EXT1: variants seen among roughly 807,000 people sequenced by gnomAD.
EXT1 encodes the protein exostosin-1.
EXT1 carries 20 observed loss-of-function variants against 82.5 expected under a neutral mutation model. The ratio of observed to expected loss-of-function variants is 0.24; its 90% CI spans 0.17 to 0.35. The LOEUF (loss-of-function observed/expected upper bound fraction) is 0.35. Ranked by LOEUF, EXT1 falls within the 10% of genes least tolerant of loss-of-function variation. The pLI, the probability that EXT1 is intolerant of heterozygous loss-of-function variation, is 1.00. For missense variants in EXT1, 757 were observed against 936.5 expected, an observed-to-expected ratio of 0.81 and a Z score of 2.50; for synonymous variants, 348 against 350.8, an observed-to-expected ratio of 0.99 and a Z score of 0.09.
At chr8:117,885,897 T>C (rs1381717074) in intron 1 of EXT1, among the ~76,000 whole-genome samples, 3 of 152,218 alleles carry the variant, frequency 2.0e-5, no homozygotes, top group Admixed American at 6.5e-5. Flanking sequence ...CCAGTGGACA[T>C]TGGCCCTTTG....
chr8:117,858,484 C>G (rs1207885473), intron 1 of EXT1, among the ~76,000 whole-genome samples: 1 of 151,902 alleles, frequency 6.6e-6, no homozygotes, highest in East Asian at 1.9e-4. Context: ...TCAGCCTGGC[C>G]AGCATGGTGA....
intron 2 of EXT1, 68 bp downstream of exon 2, chr8:117,837,040 A>G: frequency 9.5e-7 from 1 of 1,048,234 alleles, no homozygotes; most frequent in Non-Finnish European, 1.5e-6. Flanking sequence ...GAGAGGTGAT[A>G]ATGTTAAACC....
At chr8:117,931,623 T>C (rs1471551497) in intron 1 of EXT1, among the ~76,000 whole-genome samples, 3 of 152,142 alleles carry the variant, frequency 2.0e-5, no homozygotes, top group Non-Finnish European at 4.4e-5. Context: ...CAGAGATCAA[T>C]AATAAAATGA....
intron 1 of EXT1, among the ~76,000 whole-genome samples, chr8:117,961,510 G>A (rs188803129): frequency 6.8e-4 from 103 of 152,304 alleles, no homozygotes; most frequent in African/African-American, 2.5e-3. Context: ...GTACCAAAAG[G>A]AATATTAGGG....
rs548784151 is a variant in EXT1, at chr8:117,922,046, C to T, written c.963-84845G>A. Among the ~76,000 whole-genome samples, 79 of 151,706 alleles carry T rather than the reference C, an allele frequency of 5.2e-4. 1 individual carries two copies. The highest frequency in any genetic ancestry group is 1.1e-3 in the Non-Finnish European group (73 of 67,982). ...TTTCACTGAAATTCCCATAAAACTGCAGGAATTCAACTGCCAACTGGATTT... is the reference window on the plus strand; with the variant it reads ...TTTCACTGAAATTCCCATAAAACTGTAGGAATTCAACTGCCAACTGGATTT... On this transcript the variant is annotated intron_variant, in intron 1 of 10. Coordinates refer to ENST00000378204, the MANE Select transcript of EXT1 (RefSeq NM_000127.3).
intron 1 of EXT1, among the ~76,000 whole-genome samples, chr8:118,050,743 TTAAAAA>T (rs1167118055): frequency 6.6e-6 from 1 of 152,190 alleles, no homozygotes. Flanking sequence ...TTTTAACCAC[TTAAAAA>T]TGTGAAAGCC....
In EXT1 at chr8:118,007,307, C is replaced by CA. The variant is rs1174359016; in HGVS notation, c.962+102777dup. ...GCGAGACACCATCTCAAAAAAAAAACAAAAAAAGCATTTGATGGCCCTAGA... is the reference window on the plus strand; with the variant it reads ...GCGAGACACCATCTCAAAAAAAAAACAAAAAAAAGCATTTGATGGCCCTAGA... On this transcript the variant is annotated intron_variant, in intron 1 of 10. Transcript: ENST00000378204. Among the ~76,000 whole-genome samples, 6 of 151,318 alleles carry CA rather than the reference C, an allele frequency of 4.0e-5. No individual in the cohort carries two copies. The East Asian group carries it at 7.8e-4, about 20-fold the overall frequency.
At chr8:117,890,166 C>T (rs1394985143) in intron 1 of EXT1, among the ~76,000 whole-genome samples, 1 of 152,116 alleles carries the variant, frequency 6.6e-6, no homozygotes, top group African/African-American at 2.4e-5. Flanking sequence ...TAGAGATTCA[C>T]TAAATATTTT....
intron 1 of EXT1, among the ~76,000 whole-genome samples, chr8:117,863,411 GT>G (rs10624775): frequency 7.6e-5 from 10 of 132,348 alleles, no homozygotes; most frequent in South Asian, 5.1e-4. Flanking sequence ...CTAAGTCTAG[GT>G]TTTTTTTTTT....
At chr8:117,964,581 C>G (rs1814766541) in intron 1 of EXT1, among the ~76,000 whole-genome samples, 1 of 151,932 alleles carries the variant, frequency 6.6e-6, no homozygotes, top group Non-Finnish European at 1.5e-5. Flanking sequence ...GTGAATTTCA[C>G]AGAAAGAGAA....
chr8:118,098,526 GCGGA>G (rs1817659802), intron 1 of EXT1, among the ~76,000 whole-genome samples: 1 of 152,068 alleles, frequency 6.6e-6, no homozygotes. Context: ...GGAGGCCGAG[GCGGA>G]CAGATCACGA....
At chr8:117,873,083 T>C (rs971817124) in intron 1 of EXT1, among the ~76,000 whole-genome samples, 1 of 152,114 alleles carries the variant, frequency 6.6e-6, no homozygotes, top group Non-Finnish European at 1.5e-5. Context: ...GAAATCTTTT[T>C]TATAAAAGAG....
chr8:117,832,060 T>A (rs1812109367), intron 3 of EXT1, among the ~76,000 whole-genome samples: 1 of 152,178 alleles, frequency 6.6e-6, no homozygotes, highest in African/African-American at 2.4e-5. Context: ...AGGAAACTTA[T>A]TTTTAGTTAC....
chr8:118,084,642 A>G (rs892603313), intron 1 of EXT1, among the ~76,000 whole-genome samples: 7 of 152,190 alleles, frequency 4.6e-5, no homozygotes, highest in Non-Finnish European at 8.8e-5. Flanking sequence ...GTGTTTTGAA[A>G]AGTGCTTAAG....
At chr8:117,853,402 A>T (rs1380854229) in intron 1 of EXT1, among the ~76,000 whole-genome samples, 2 of 152,154 alleles carry the variant, frequency 1.3e-5, no homozygotes, top group African/African-American at 4.8e-5. Flanking sequence ...AAAATTAGCC[A>T]GGTATGGTGG....
At chr8:118,007,691 C>G (rs565361402) in intron 1 of EXT1, among the ~76,000 whole-genome samples, 1 of 152,214 alleles carries the variant, frequency 6.6e-6, no homozygotes, top group South Asian at 2.1e-4. Context: ...CAGGTAACTA[C>G]AAGACTGTAG....
chr8:117,997,213 T>A (rs1400710995), intron 1 of EXT1, among the ~76,000 whole-genome samples: 1 of 150,608 alleles, frequency 6.6e-6, no homozygotes, highest in East Asian at 1.9e-4. Flanking sequence ...GAGGCATTGA[T>A]TGGCCCTTCC....
At chr8:117,830,808 G>A (rs889484857) in intron 3 of EXT1, among the ~76,000 whole-genome samples, 1 of 152,146 alleles carries the variant, frequency 6.6e-6, no homozygotes, top group African/African-American at 2.4e-5. Flanking sequence ...GAATGTCTAT[G>A]AGCCTTCCCA....
intron 4 of EXT1, among the ~76,000 whole-genome samples, chr8:117,825,279 A>C (rs1811991685): frequency 1.3e-5 from 2 of 152,204 alleles, no homozygotes; most frequent in Admixed American, 1.3e-4. Flanking sequence ...GCCTTCTAAA[A>C]GCATAAAGAA....
Sources: gnomAD v4.1 joint callset for allele counts (sites outside exome capture counted in the v4.1 genomes callset) on GRCh38, gnomAD v4.1.1 for gene constraint, MANE v1.5 for transcripts, NCBI Gene and HGNC (gene_info 2026-07-23, HGNC 2026-07-21) for gene names.